The following ZNF362 variants were observed in gnomAD, a reference collection of about 807,000 sequenced individuals.
ZNF362 encodes zinc finger protein 362, also known as rotund homolog.
Under a neutral mutation model 42.9 loss-of-function variants are expected in ZNF362, and 11 were observed. That is an observed-to-expected ratio of 0.26 (90% CI 0.16 to 0.42). ZNF362 has a LOEUF of 0.42. Ranked by LOEUF, ZNF362 falls within the 20% of genes least tolerant of loss-of-function variation. The pLI is 1.00. For missense variants in ZNF362, 362 were observed against 576.2 expected, an observed-to-expected ratio of 0.63 and a Z score of 3.81; for synonymous variants, 255 against 257.3, an observed-to-expected ratio of 0.99 and a Z score of 0.09.
rs1205471312 is a variant in ZNF362 at position 33,299,966 on chromosome 1, A to G, written c.*920A>G. On this transcript the variant is annotated 3_prime_UTR_variant, in exon 9 of 9. Coordinates refer to ENST00000539719, the MANE Select transcript of ZNF362 (RefSeq NM_152493.3). ...GGAGGGGTTATTTGTCTTCCCTGCCATGGAGTGGGAATCCCCAGCCGAGGC... is the reference window on the plus strand; with the variant it reads ...GGAGGGGTTATTTGTCTTCCCTGCCGTGGAGTGGGAATCCCCAGCCGAGGC... 2.0e-5 allele frequency: 3 copies of G among 152,566 alleles called. No individual in the cohort carries two copies. Among genetic ancestry groups the G allele is most frequent in the Non-Finnish European group, 4.4e-5 (3 of 68,032 alleles). 9.5% of individuals were successfully genotyped at this position (152,566 alleles called of 1,614,324 possible). A position where few individuals can be genotyped will look rare whatever the true frequency, so the allele number is the denominator to read the frequency against.
chr1:33,289,153 G>A (rs1408531695), intron 6 of ZNF362, among the ~76,000 whole-genome samples: 3 of 152,126 alleles, frequency 2.0e-5, no homozygotes, highest in African/African-American at 7.2e-5. Context: ...GAGTACAGAG[G>A]GGTCCACAGC....
At chr1:33,184,523 C>A in the ZNF362 span, among the ~76,000 whole-genome samples, 191 of 152,234 alleles carry the variant, frequency 1.3e-3, 5 homozygotes, top group Non-Finnish European at 1.4e-3. Context: ...AGGCATGAAG[C>A]TTTTGCTCTC....
the ZNF362 span, among the ~76,000 whole-genome samples, chr1:33,135,615 C>T: frequency 6.6e-6 from 1 of 152,240 alleles, no homozygotes; most frequent in Admixed American, 6.5e-5. Context: ...CATTGCCAGC[C>T]TCCTGTCCCT....
Position 33,274,254 on chromosome 1 carries a change from T to A in ZNF362, c.39-1846T>A, listed in dbSNP as rs10914674. Among the ~76,000 whole-genome samples, 6 of 152,168 alleles carry A rather than the reference T, an allele frequency of 3.9e-5. No homozygotes were observed. In the East Asian group the frequency reaches 9.7e-4, roughly 25 times the overall value. ...CAGATTAGAGTGGGAATCTCAGCTC[T>A]CTGCTTACTTGCTGTGTGACCTTGA... On this transcript the variant is annotated intron_variant, in intron 2 of 8. Coordinates refer to ENST00000539719, the MANE Select transcript of ZNF362 (RefSeq NM_152493.3).
rs1026931680 is a variant in ZNF362 at position 33,256,664 on chromosome 1, G to A, written c.-89+10G>A. ...CCGCCAGCACAGCCAGGTCCGTGCGGGCCCGGGGCGCGCGGGGAGCGGGCC... is the reference window on the plus strand; with the variant it reads ...CCGCCAGCACAGCCAGGTCCGTGCGAGCCCGGGGCGCGCGGGGAGCGGGCC... On this transcript the variant is annotated intron_variant, in intron 1 of 8. Transcript: ENST00000539719. 1 of 145,678 alleles carries A rather than the reference G, an allele frequency of 6.9e-6. No homozygotes were observed. Among genetic ancestry groups the A allele is most frequent in the Non-Finnish European group, 1.5e-5 (1 of 65,508 alleles). The allele number at this position is 145,678 out of a possible 1,614,324, so 9.0% of individuals were successfully genotyped here.
chr1:33,217,518 A>G, the ZNF362 span, among the ~76,000 whole-genome samples: 2 of 152,134 alleles, frequency 1.3e-5, no homozygotes, highest in Non-Finnish European at 2.9e-5. Context: ...CCCAACCACC[A>G]GCTTGCTGTC....
chr1:33,225,430 A>T, the ZNF362 span, among the ~76,000 whole-genome samples: 3 of 152,166 alleles, frequency 2.0e-5, no homozygotes, highest in African/African-American at 7.2e-5. Context: ...TGATTTATTT[A>T]AAAAATATAT....
At chr1:33,287,971 C>G (rs1646044396) in intron 6 of ZNF362, among the ~76,000 whole-genome samples, 4 of 152,208 alleles carry the variant, frequency 2.6e-5, no homozygotes, top group African/African-American at 9.6e-5. Flanking sequence ...AAAGCCATAT[C>G]ATGGCTGAGA....
the ZNF362 span, among the ~76,000 whole-genome samples, chr1:33,141,384 G>C: frequency 6.6e-6 from 1 of 152,162 alleles, no homozygotes; most frequent in Admixed American, 6.5e-5. Flanking sequence ...CTGGGAACCA[G>C]GACACTTGAG....
At chr1:33,265,066 CTAT>C (rs767620270) in intron 1 of ZNF362, among the ~76,000 whole-genome samples, 1 of 151,664 alleles carries the variant, frequency 6.6e-6, no homozygotes. Context: ...GAGGAAGCAA[CTAT>C]TATTATTATT....
At chr1:33,158,253 C>T in the ZNF362 span, 2 of 1,613,050 alleles carry the variant, frequency 1.2e-6, no homozygotes, top group South Asian at 1.1e-5. Context: ...CATGCCTTAC[C>T]TGGGTGGATG....
the ZNF362 span, among the ~76,000 whole-genome samples, chr1:33,232,905 T>A: frequency 1.3e-5 from 2 of 152,206 alleles, no homozygotes; most frequent in Non-Finnish European, 2.9e-5. Context: ...GGCTGGAAAC[T>A]AACATTTGTA....
the ZNF362 span, among the ~76,000 whole-genome samples, chr1:33,190,264 A>G: frequency 6.6e-6 from 1 of 152,130 alleles, no homozygotes; most frequent in African/African-American, 2.4e-5. Flanking sequence ...TTCAGGGTCT[A>G]TTAGCAATCC....
Position 33,294,862 on chromosome 1 carries a change from A to T in ZNF362, c.909-75A>T. ...AGGGACCGAGAGGCTTAGGGGCCAG[A>T]GTAAGGACTTGGGAACTGGAGCGGT... On this transcript the variant is annotated intron_variant, in intron 6 of 8. Transcript: ENST00000539719. This position sits in a 1 kb window ranked among gnomAD's most constrained non-coding sequence, Gnocchi z 4.2. 6.5e-7 allele frequency: 1 copy of T among 1,540,488 alleles called. No homozygotes were observed. Among genetic ancestry groups the T allele is most frequent in the Non-Finnish European group, 9.0e-7 (1 of 1,115,304 alleles).
At chr1:33,244,164 T>C in the ZNF362 span, among the ~76,000 whole-genome samples, 1 of 152,198 alleles carries the variant, frequency 6.6e-6, no homozygotes, top group Admixed American at 6.5e-5. The surrounding 1 kb of genome is among the most constrained non-coding windows in gnomAD (Gnocchi z 4.0). Flanking sequence ...TCCTCTCTGA[T>C]TCTCCTTCCC....
At chr1:33,170,927 T>C in the ZNF362 span, among the ~76,000 whole-genome samples, 2,867 of 152,300 alleles carry the variant, frequency 0.019, 102 homozygotes, top group African/African-American at 0.065. Context: ...TGGCACACCC[T>C]GGGTGCTCGG....
intron 4 of ZNF362, among the ~76,000 whole-genome samples, 161 bp from the exon 5 acceptor site, chr1:33,279,963 A>T (rs1431325720): frequency 6.6e-6 from 1 of 152,214 alleles, no homozygotes; most frequent in East Asian, 1.9e-4. Context: ...AAGGTGTCTA[A>T]GGCATCTTAC....
At chr1:33,208,110 A>G in the ZNF362 span, among the ~76,000 whole-genome samples, 2 of 152,124 alleles carry the variant, frequency 1.3e-5, no homozygotes, top group African/African-American at 2.4e-5. Flanking sequence ...TAATTTTTGT[A>G]TAAAGTGTAA....
At chr1:33,214,082 A>G in the ZNF362 span, among the ~76,000 whole-genome samples, 4 of 152,174 alleles carry the variant, frequency 2.6e-5, no homozygotes, top group Admixed American at 1.3e-4. Flanking sequence ...ATAAGAAAAA[A>G]GAAGCAAATA....
Sources: gnomAD v4.1 joint callset for allele counts (sites outside exome capture counted in the v4.1 genomes callset) on GRCh38, gnomAD v4.1.1 for gene constraint, Gnocchi (gnomAD v3.1) non-coding constraint, MANE v1.5 for transcripts, NCBI Gene and HGNC (gene_info 2026-07-23, HGNC 2026-07-21) for gene names.